The following RCSD1 variants were observed in gnomAD, a reference collection of about 807,000 sequenced individuals.
RCSD1 encodes capZ-interacting protein.
RCSD1 carries 26 observed loss-of-function variants against 42.5 expected under a neutral mutation model. The observed-to-expected ratio is 0.61, with a 90% CI of 0.45 to 0.85. The LOEUF is 0.85. RCSD1 is among the 40% of genes least tolerant of loss of function. RCSD1 has a pLI of 0.00. For synonymous variants in RCSD1, 220 were observed against 212.2 expected (o/e 1.04, Z -0.32); for missense variants, 571 against 528.3 (o/e 1.08, Z -0.79).
At position 167,706,436 on chromosome 1, in the gene RCSD1, T is replaced by G. The variant is rs1487169979; in HGVS notation, c.*1740T>G. On this transcript the variant is annotated 3_prime_UTR_variant, in exon 7 of 7. Transcript: ENST00000367854. ...ATGCACTATCTGGGCAAGTACTTTGTGAATATGTGCATGATTGTGAATGTG... is the reference window on the plus strand; with the variant it reads ...ATGCACTATCTGGGCAAGTACTTTGGGAATATGTGCATGATTGTGAATGTG... Among the ~76,000 whole-genome samples, 1 of 152,206 alleles carries G rather than the reference T, an allele frequency of 6.6e-6. No homozygotes were observed. The highest frequency in any genetic ancestry group is 6.5e-5 in the Admixed American group (1 of 15,270).
intron 3 of RCSD1, among the ~76,000 whole-genome samples, chr1:167,686,377 T>C (rs958692525): frequency 3.0e-4 from 46 of 152,304 alleles, no homozygotes; most frequent in African/African-American, 1.1e-3. Context: ...GTGCCCTATG[T>C]GAACTTGGGC....
In RCSD1 at chr1:167,697,582, G is replaced by A; in HGVS notation, c.958G>A (p.Glu320Lys). ...EMEKATEVKG[E>K]RVQNEEVGPE... Reference sequence around the variant, plus strand: ...GGAAAAGGCTACAGAGGTGAAGGGGGAGAGGGTGCAAAATGAAGAGGTGGG... The same window carrying A: ...GGAAAAGGCTACAGAGGTGAAGGGGAAGAGGGTGCAAAATGAAGAGGTGGG... The change falls in exon 6 of 7, where the codon GAG becomes AAG. Residue 320 changes from glutamate (E) to lysine (K), a missense_variant. Physicochemically the swap from Glu to Lys is moderately conservative, Grantham distance 56. Coordinates refer to ENST00000367854, the MANE Select transcript of RCSD1 (RefSeq NM_052862.4). 6.2e-7 allele frequency: 1 copy of A among 1,608,228 alleles called. No homozygotes were observed.
At position 167,704,735 on chromosome 1, in the gene RCSD1, C is replaced by T. The variant is rs1257797506; in HGVS notation, c.*39C>T. The T allele has an allele frequency of 2.5e-6, 4 of 1,599,136 alleles. No homozygotes were observed. Among genetic ancestry groups the T allele is most frequent in the Non-Finnish European group, 3.4e-6 (4 of 1,167,648 alleles). On this transcript the variant is annotated 3_prime_UTR_variant, in exon 7 of 7. Coordinates refer to ENST00000367854, the MANE Select transcript of RCSD1 (RefSeq NM_052862.4). The stretch of plus-strand genomic sequence containing the variant: ...GTGCCCCAGTGATGAAGTTGCTGGA[C>T]ACATCTCTTTGCAGGTAGCAGCAAC...
Position 167,685,469 on chromosome 1 carries a change from C to T in RCSD1, c.157C>T (p.Leu53=). The T allele has an allele frequency of 6.2e-7, 1 of 1,613,972 alleles. No individual in the cohort carries two copies. Among genetic ancestry groups the T allele is most frequent in the Non-Finnish European group, 8.5e-7 (1 of 1,179,938 alleles). Residue 53 remains leucine, a synonymous_variant, in exon 3 of 7, where the codon CTG becomes TTG. Coordinates refer to ENST00000367854, the MANE Select transcript of RCSD1 (RefSeq NM_052862.4). ...AAGGAAACCGCCCTGTTCCCTCCCC[C>T]TGTTCCCCCCCAAGGTAGACCTGGG... ...TRRKPPCSLP[L]FPPKVDLGQN...
intron 6 of RCSD1, among the ~76,000 whole-genome samples, chr1:167,701,028 C>A (rs1659624584): frequency 6.6e-6 from 1 of 152,154 alleles, no homozygotes; most frequent in East Asian, 1.9e-4. Context: ...CTGGGGCAGG[C>A]TCACTGGTAA....
chr1:167,634,939 AGAGTGT>A lies in RCSD1; in HGVS notation c.6+4512_6+4517del, dbSNP rs869053454. Among the ~76,000 whole-genome samples, 50 of 74,566 alleles carry A rather than the reference AGAGTGT, an allele frequency of 6.7e-4. No homozygotes were observed. In the East Asian group the frequency reaches 0.014, roughly 21 times the overall value. 48.9% of individuals were successfully genotyped at this position (74,566 alleles called of 152,430 possible). On this transcript the variant is annotated intron_variant, in intron 1 of 6. Coordinates refer to ENST00000367854, the MANE Select transcript of RCSD1 (RefSeq NM_052862.4). Reference sequence around the variant, plus strand: ...ACAGACTGTCAGTATTACTATGATGAGAGTGTGTGTGTGTGTGTGTGTGTGTGTGTG... The same window carrying A: ...ACAGACTGTCAGTATTACTATGATGAGTGTGTGTGTGTGTGTGTGTGTGTG...
At chr1:167,680,389 C>T (rs1659049721) in intron 1 of RCSD1, among the ~76,000 whole-genome samples, 1 of 152,004 alleles carries the variant, frequency 6.6e-6, no homozygotes, top group Admixed American at 6.6e-5. Flanking sequence ...CTGACACCAG[C>T]AGACCAGGTC....
At chr1:167,704,117 T>A (rs1659703566) in intron 6 of RCSD1, among the ~76,000 whole-genome samples, 1 of 152,180 alleles carries the variant, frequency 6.6e-6, no homozygotes, top group South Asian at 2.1e-4. Flanking sequence ...AAGTAATACC[T>A]TCGGAATGAC....
At chr1:167,668,249 C>A (rs1658708138) in intron 1 of RCSD1, among the ~76,000 whole-genome samples, 2 of 151,818 alleles carry the variant, frequency 1.3e-5, no homozygotes, top group African/African-American at 4.8e-5. Context: ...TGCACCAATG[C>A]ACTCCAGCCT....
rs1418720995 is a variant in RCSD1, at chr1:167,707,462, A to C, written c.*2766A>C. 6.6e-6 allele frequency among the ~76,000 whole-genome samples: 1 copy of C among 152,060 alleles called. No individual in the cohort carries two copies. Among genetic ancestry groups the C allele is most frequent in the Admixed American group, 6.6e-5 (1 of 15,254 alleles). The stretch of plus-strand genomic sequence containing the variant: ...AAAACAGAACTATACAGATCAATGA[A>C]TCTCTCCCCCTTTTTCAGCCTCATA... On this transcript the variant is annotated 3_prime_UTR_variant, in exon 7 of 7. Transcript: ENST00000367854.
At chr1:167,683,578 G>A (rs58821017) in intron 1 of RCSD1, among the ~76,000 whole-genome samples, 3,223 of 152,308 alleles carry the variant, frequency 0.021, 44 homozygotes, top group African/African-American at 0.032. Flanking sequence ...CGCAGACGTT[G>A]CCCTTTGCCG....
Position 167,694,513 on chromosome 1 carries a change from C to G in RCSD1, c.474+211C>G, listed in dbSNP as rs138257118. 1.6e-4 allele frequency among the ~76,000 whole-genome samples: 24 copies of G among 152,308 alleles called. No individual in the cohort carries two copies. In the South Asian group the frequency reaches 1.7e-3, roughly 11 times the overall value. ...TTTTCCTCGACTGACTGGCTCATCTCCCCTTGCTGTAACTGTGCCATTCAA... is the reference window on the plus strand; with the variant it reads ...TTTTCCTCGACTGACTGGCTCATCTGCCCTTGCTGTAACTGTGCCATTCAA... On this transcript the variant is annotated intron_variant, in intron 5 of 6. Coordinates refer to ENST00000367854, the MANE Select transcript of RCSD1 (RefSeq NM_052862.4).
At chr1:167,685,045 G>T (rs1659192553) in intron 2 of RCSD1, among the ~76,000 whole-genome samples, 1 of 152,174 alleles carries the variant, frequency 6.6e-6, no homozygotes, top group Non-Finnish European at 1.5e-5. Context: ...TTTCTAGACA[G>T]TACAGGCATG....
At chr1:167,638,801 G>C (rs977726074) in intron 1 of RCSD1, among the ~76,000 whole-genome samples, 1 of 152,208 alleles carries the variant, frequency 6.6e-6, no homozygotes, top group Non-Finnish European at 1.5e-5. Flanking sequence ...TTGGAGTTTT[G>C]AGAGCAAGAA....
chr1:167,686,731 T>C (rs968789926), intron 3 of RCSD1, among the ~76,000 whole-genome samples: 3 of 152,208 alleles, frequency 2.0e-5, no homozygotes, highest in East Asian at 3.8e-4. Context: ...ACCAAACACA[T>C]ACCAACAACC....
intron 1 of RCSD1, among the ~76,000 whole-genome samples, chr1:167,643,450 T>C (rs1276699656): frequency 6.6e-6 from 1 of 152,274 alleles, no homozygotes; most frequent in Non-Finnish European, 1.5e-5. Context: ...CACACTTTAT[T>C]GTCAAAGTAC....
rs534609996 is a variant in RCSD1 at position 167,697,310 on chromosome 1, G to A, written c.686G>A (p.Arg229Lys). ...GAGGGAGCAGCGGGAGAGGGAGTGA[G>A]AACCCTGGGACCTGCTGAAAAGCCT... The part of the protein sequence containing the change: ...SSEGAAGEGV[R>K]TLGPAEKPPL... The change falls in exon 6 of 7, where the codon AGA becomes AAA. Residue 229 changes from arginine (R) to lysine (K), a missense_variant. By Grantham distance (26) the Arg-to-Lys change is conservative. Coordinates refer to ENST00000367854, the MANE Select transcript of RCSD1 (RefSeq NM_052862.4). 1 of 1,614,134 alleles carries A rather than the reference G, an allele frequency of 6.2e-7. No homozygotes were observed. Among genetic ancestry groups the A allele is most frequent in the East Asian group, 2.2e-5 (1 of 44,868 alleles).
rs537860008 is a variant in RCSD1 at position 167,683,553 on chromosome 1, A to G, written c.7-347A>G. 2.0e-5 allele frequency among the ~76,000 whole-genome samples: 3 copies of G among 152,298 alleles called. No homozygotes were observed. In the East Asian group the frequency reaches 5.8e-4, roughly 29 times the overall value. ...GCTCACCCTTGTTCAGGAGGTAAGG[A>G]GACTCGTACACTGTCGCAGACGTTG... On this transcript the variant is annotated intron_variant, in intron 1 of 6. Coordinates refer to ENST00000367854, the MANE Select transcript of RCSD1 (RefSeq NM_052862.4).
intron 1 of RCSD1, among the ~76,000 whole-genome samples, chr1:167,634,204 A>C (rs1162529826): frequency 6.6e-6 from 1 of 152,202 alleles, no homozygotes; most frequent in Admixed American, 6.5e-5. Context: ...CTCTCAGAGC[A>C]CTTTGTTCAA....
Sources: gnomAD v4.1 joint callset for allele counts (sites outside exome capture counted in the v4.1 genomes callset) on GRCh38, gnomAD v4.1.1 for gene constraint, MANE v1.5 for transcripts, NCBI Gene and HGNC (gene_info 2026-07-23, HGNC 2026-07-21) for gene names.